PRKCE: variants seen among roughly 807,000 people sequenced by gnomAD.
PRKCE encodes protein kinase C epsilon type.
PRKCE carries 16 observed loss-of-function variants against 85.4 expected under a neutral mutation model. The ratio of observed to expected loss-of-function variants is 0.19; its 90% CI spans 0.13 to 0.28. The LOEUF is 0.28. PRKCE is among the 10% of genes least tolerant of loss of function. The pLI is 1.00. For synonymous variants in PRKCE, 388 were observed against 371.5 expected, an observed-to-expected ratio of 1.04 and a Z score of -0.51; for missense variants, 573 against 975.2, an observed-to-expected ratio of 0.59 and a Z score of 5.49.
chr2:45,840,453 G>C (rs1053479813), intron 1 of PRKCE: 2 of 152,202 alleles, frequency 1.3e-5, no homozygotes, highest in Non-Finnish European at 1.5e-5. Context: ...TAAAATCATG[G>C]ACTCTTGGGG....
chr2:45,981,095 G>C (rs1429786599), intron 5 of PRKCE, among the ~76,000 whole-genome samples: 1 of 152,200 alleles, frequency 6.6e-6, no homozygotes, highest in African/African-American at 2.4e-5. Context: ...GCATCAGATT[G>C]CCTAGTTTGG....
rs570707132 is a variant in PRKCE at position 45,980,292 on chromosome 2, G to T, written c.608-4G>T. 1 of 1,599,498 alleles carries T rather than the reference G, an allele frequency of 6.3e-7. No homozygotes were observed. Among genetic ancestry groups the T allele is most frequent in the Non-Finnish European group, 8.5e-7 (1 of 1,179,820 alleles). On this transcript the variant is annotated splice_polypyrimidine_tract_variant and splice_region_variant and intron_variant, in intron 4 of 14. Coordinates refer to ENST00000306156, the MANE Select transcript of PRKCE (RefSeq NM_005400.3). ...TTCAGCCTTCCTGTCTTTGCTATTTGCAGTCTGCACCTGCGTGGTCCACAA... is the reference window on the plus strand; with the variant it reads ...TTCAGCCTTCCTGTCTTTGCTATTTTCAGTCTGCACCTGCGTGGTCCACAA...
rs187258839 is a variant in PRKCE at position 46,139,806 on chromosome 2, C to A, written c.1593-5287C>A. ...AGTAAGGCTCTTCCTTTTAAGGAGACTTCCACATATCTGATTGCCTAGAAC... is the reference window on the plus strand; with the variant it reads ...AGTAAGGCTCTTCCTTTTAAGGAGAATTCCACATATCTGATTGCCTAGAAC... On this transcript the variant is annotated intron_variant, in intron 11 of 14. Coordinates refer to ENST00000306156, the MANE Select transcript of PRKCE (RefSeq NM_005400.3). The surrounding 1 kb of genome is among the most constrained non-coding windows in gnomAD (Gnocchi z 5.2). Among the ~76,000 whole-genome samples, 13 of 152,104 alleles carry A rather than the reference C, an allele frequency of 8.5e-5. 1 individual carries two copies. In the East Asian group the frequency reaches 1.9e-3, roughly 23 times the overall value.
chr2:45,693,732 G>T (rs1460752758), intron 1 of PRKCE, among the ~76,000 whole-genome samples: 1 of 152,188 alleles, frequency 6.6e-6, no homozygotes, highest in Non-Finnish European at 1.5e-5. Flanking sequence ...TAAGGCAGTC[G>T]GGGTGGACCG....
chr2:45,942,384 A>C (rs982467061), intron 2 of PRKCE, among the ~76,000 whole-genome samples: 1 of 152,208 alleles, frequency 6.6e-6, no homozygotes, highest in Admixed American at 6.5e-5. Flanking sequence ...AGTGAGAAAA[A>C]AATCATATAG....
chr2:46,122,123 T>C (rs1197698222), intron 11 of PRKCE, among the ~76,000 whole-genome samples: 3 of 152,186 alleles, frequency 2.0e-5, no homozygotes, highest in Non-Finnish European at 1.5e-5. Context: ...TTCCTTAGGC[T>C]CCTTCCAGTC....
At chr2:45,937,188 G>A (rs558809753) in intron 2 of PRKCE, among the ~76,000 whole-genome samples, 2 of 152,188 alleles carry the variant, frequency 1.3e-5, no homozygotes, top group South Asian at 4.2e-4. Flanking sequence ...TTTTATAATT[G>A]TACTTAAATA....
rs34143359 is a variant in PRKCE, at chr2:45,740,147, C to CAA, written c.348+87711_348+87712dup. Among the ~76,000 whole-genome samples, 320 of 135,752 alleles carry CAA rather than the reference C, an allele frequency of 2.4e-3. 7 individuals are homozygous for CAA. The highest frequency in any genetic ancestry group is 7.6e-3 in the African/African-American group (279 of 36,612). The allele number at this position is 135,752 out of a possible 152,430, so 89.1% of individuals were successfully genotyped here. A position where few individuals can be genotyped will look rare whatever the true frequency, so the allele number is the denominator to read the frequency against. On this transcript the variant is annotated intron_variant, in intron 1 of 14. Coordinates refer to ENST00000306156, the MANE Select transcript of PRKCE (RefSeq NM_005400.3). ...GCCTGGGCAACATGAGACCCCATCT[C>CAA]AAAAAAAAAAAAAGGACTTATTCAC...
At chr2:46,054,503 T>C (rs1007517793) in intron 10 of PRKCE, among the ~76,000 whole-genome samples, 3 of 152,144 alleles carry the variant, frequency 2.0e-5, no homozygotes, top group East Asian at 1.9e-4. Flanking sequence ...AAGTGTTTGG[T>C]AGAGAAGAAT....
At chr2:45,893,455 C>A (rs545437646) in intron 2 of PRKCE, among the ~76,000 whole-genome samples, 1 of 151,952 alleles carries the variant, frequency 6.6e-6, no homozygotes, top group South Asian at 2.1e-4. Flanking sequence ...GCAACCTCTG[C>A]CTCCTGGGTT....
chr2:45,848,060 A>G (rs1287517324), intron 2 of PRKCE, among the ~76,000 whole-genome samples: 3 of 152,204 alleles, frequency 2.0e-5, no homozygotes, highest in African/African-American at 4.8e-5. Context: ...CTCTGAGTCC[A>G]TAGCAGGCAT....
At chr2:46,058,407 G>T (rs1050136780) in intron 10 of PRKCE, among the ~76,000 whole-genome samples, 4 of 152,224 alleles carry the variant, frequency 2.6e-5, no homozygotes, top group African/African-American at 4.8e-5. Flanking sequence ...AAAGGAACTG[G>T]CTCATTGTTT....
intron 1 of PRKCE, among the ~76,000 whole-genome samples, chr2:45,671,534 C>G (rs1676159582): frequency 6.6e-6 from 1 of 152,168 alleles, no homozygotes; most frequent in Non-Finnish European, 1.5e-5. Flanking sequence ...AAAATTTCTT[C>G]TTTTGTTCTT....
chr2:45,663,874 C>T (rs1358145989), intron 1 of PRKCE, among the ~76,000 whole-genome samples: 1 of 151,978 alleles, frequency 6.6e-6, no homozygotes, highest in Admixed American at 6.6e-5. Context: ...AGTAGGAATG[C>T]ACTCCAGAAA....
At chr2:45,653,042 A>G (rs1675202096) in intron 1 of PRKCE, among the ~76,000 whole-genome samples, 1 of 152,152 alleles carries the variant, frequency 6.6e-6, no homozygotes, top group Non-Finnish European at 1.5e-5. Context: ...ACATCAGTCG[A>G]GCTTGTTTTG....
intron 2 of PRKCE, among the ~76,000 whole-genome samples, chr2:45,958,269 G>A (rs986975550): frequency 2.6e-5 from 4 of 151,300 alleles, no homozygotes; most frequent in African/African-American, 7.3e-5. Flanking sequence ...CAGCACTTTG[G>A]GAGGCCAAGG....
Position 46,122,175 on chromosome 2 carries a change from A to G in PRKCE, c.1593-22918A>G, listed in dbSNP as rs1383067054. On this transcript the variant is annotated intron_variant, in intron 11 of 14. Transcript: ENST00000306156. ...CGGAGAGGTAGCCACCATTCTGCCAATAGGTTAGTTTTGTATTTAGGTCTC... is the reference window on the plus strand; with the variant it reads ...CGGAGAGGTAGCCACCATTCTGCCAGTAGGTTAGTTTTGTATTTAGGTCTC... Among the ~76,000 whole-genome samples, 10 of 152,086 alleles carry G rather than the reference A, an allele frequency of 6.6e-5. No individual in the cohort carries two copies. The East Asian group carries it at 1.5e-3, about 23-fold the overall frequency.
At chr2:46,074,939 C>G (rs911473749) in intron 10 of PRKCE, among the ~76,000 whole-genome samples, 1 of 152,182 alleles carries the variant, frequency 6.6e-6, no homozygotes, top group Non-Finnish European at 1.5e-5. Flanking sequence ...CCTGAGCTCA[C>G]AAGAAGAGCA....
At chr2:45,986,868 G>C (rs1487700084) in intron 6 of PRKCE, among the ~76,000 whole-genome samples, 1 of 152,114 alleles carries the variant, frequency 6.6e-6, no homozygotes, top group Non-Finnish European at 1.5e-5. Flanking sequence ...AATGGGGCCT[G>C]CCTGGAATCC....
Sources: allele counts gnomAD v4.1 joint callset (sites outside exome capture counted in the v4.1 genomes callset), GRCh38; gene constraint gnomAD v4.1.1; non-coding constraint Gnocchi (gnomAD v3.1); transcripts MANE v1.5; gene names NCBI Gene and HGNC (gene_info 2026-07-23, HGNC 2026-07-21).